Variants in CRB1 observed in about 807,000 individuals in gnomAD.
CRB1 encodes the protein crumbs cell polarity complex component 1.
CRB1 carries 83 observed loss-of-function variants against 120.0 expected under a neutral mutation model. That is an observed-to-expected ratio of 0.69 (90% CI 0.58 to 0.83). The LOEUF (loss-of-function observed/expected upper bound fraction) is 0.83, where lower values mean the gene tolerates loss of function less well. CRB1 is among the 40% of genes least tolerant of loss of function. The probability of loss-of-function intolerance (pLI) is 0.00; values close to 1 mark genes in which losing one functional copy is unlikely to be tolerated. For missense variants in CRB1, 1,699 were observed against 1,687.6 expected (o/e 1.01, Z -0.12); for synonymous variants, 625 against 612.5 (o/e 1.02, Z -0.30).
chr1:197,442,753 T>G (rs1277759001), intron 11 of CRB1: 1 of 269,218 alleles, frequency 3.7e-6, no homozygotes, highest in Non-Finnish European at 7.0e-6. Context: ...ATTTTCACAT[T>G]TTAAGTTGCC....
At chr1:197,474,193 C>T (rs1667106022) in intron 11 of CRB1, among the ~76,000 whole-genome samples, 1 of 152,156 alleles carries the variant, frequency 6.6e-6, no homozygotes, top group African/African-American at 2.4e-5. Context: ...TTGTATTTTA[C>T]ATTCTTTGTG....
chr1:197,223,494 C>T, the CRB1 span, among the ~76,000 whole-genome samples: 12 of 152,004 alleles, frequency 7.9e-5, no homozygotes, highest in East Asian at 1.9e-4. Context: ...TTTAATAACA[C>T]GATTTCATTC....
intron 5 of CRB1, among the ~76,000 whole-genome samples, chr1:197,414,349 G>T (rs922955194): frequency 2.6e-5 from 4 of 151,954 alleles, no homozygotes; most frequent in African/African-American, 9.7e-5. Context: ...CTTCAGCAAA[G>T]TGAGAATTAT....
chr1:197,335,416 G>A (rs572587086), intron 2 of CRB1, among the ~76,000 whole-genome samples: 1 of 152,326 alleles, frequency 6.6e-6, no homozygotes, highest in African/African-American at 2.4e-5. Context: ...GTGTCTAAGG[G>A]AGGTTAATAC....
At chr1:197,412,199 T>C (rs944731771) in intron 5 of CRB1, among the ~76,000 whole-genome samples, 1 of 152,244 alleles carries the variant, frequency 6.6e-6, no homozygotes, top group South Asian at 2.1e-4. Flanking sequence ...TTTAACAGGT[T>C]CATGTTGCCT....
intron 5 of CRB1, among the ~76,000 whole-genome samples, chr1:197,418,143 T>C (rs2125462508): frequency 6.6e-6 from 1 of 152,320 alleles, no homozygotes; most frequent in Non-Finnish European, 1.5e-5. Flanking sequence ...CCATATCAGT[T>C]GTTCAATAGT....
chr1:197,349,331 C>A (rs908712057), intron 4 of CRB1, among the ~76,000 whole-genome samples: 8 of 152,322 alleles, frequency 5.3e-5, no homozygotes, highest in South Asian at 2.1e-4. Flanking sequence ...TAATGACTTA[C>A]TTCTCAGAAC....
chr1:197,434,862 A>T lies in CRB1; in HGVS notation c.2999A>T (p.Asn1000Ile). The change falls in exon 9 of 12, where the codon AAT becomes ATT. Residue 1000 changes from asparagine to isoleucine, a missense_variant. Physicochemically the swap from Asn to Ile is moderately radical, Grantham distance 149. Coordinates refer to ENST00000367400, the MANE Select transcript of CRB1 (RefSeq NM_201253.3). Reference protein sequence around the residue: ...LHAEKEPEFLNISIQDSRLFF... With the variant: ...LHAEKEPEFLIISIQDSRLFF... ...GCAGAAAAAGAGCCTGAATTTCTTA[A>T]TATTAGCATTCAAGATTCCAGATTA... The T allele has an allele frequency of 1.2e-6, 2 of 1,613,870 alleles. No homozygotes were observed.
At chr1:197,366,970 C>T (rs1661112528) in intron 5 of CRB1, among the ~76,000 whole-genome samples, 1 of 152,074 alleles carries the variant, frequency 6.6e-6, no homozygotes, top group African/African-American at 2.4e-5. Context: ...TATTTGTGAC[C>T]ATAGTTGCAA....
chr1:197,453,599 CA>C (rs935199491), intron 11 of CRB1, among the ~76,000 whole-genome samples: 18 of 93,734 alleles, frequency 1.9e-4, no homozygotes, highest in African/African-American at 6.2e-4. Context: ...GAGAGAGAGA[CA>C]AGGTCTTGCT....
At chr1:197,286,226 A>T (rs1012691858) in intron 1 of CRB1, among the ~76,000 whole-genome samples, 2 of 151,962 alleles carry the variant, frequency 1.3e-5, no homozygotes, top group Admixed American at 6.6e-5. Flanking sequence ...GTTACCTATC[A>T]AAGGGCACAG....
chr1:197,453,593 G>A lies in CRB1; in HGVS notation c.4005+11301G>A, dbSNP rs1666094659. Reference sequence around the variant, plus strand: ...AGGGAGAGGGAGAGAGAGAGAGAGAGAGAGACAAGGTCTTGCTCTGTTGCC... The same window carrying A: ...AGGGAGAGGGAGAGAGAGAGAGAGAAAGAGACAAGGTCTTGCTCTGTTGCC... On this transcript the variant is annotated intron_variant, in intron 11 of 11. Coordinates refer to ENST00000367400, the MANE Select transcript of CRB1 (RefSeq NM_201253.3). 1.4e-5 allele frequency among the ~76,000 whole-genome samples: 2 copies of A among 142,960 alleles called. 1 individual carries two copies. Among genetic ancestry groups the A allele is most frequent in the East Asian group, 4.0e-4 (2 of 5,000 alleles). 93.8% of individuals were successfully genotyped at this position (142,960 alleles called of 152,430 possible).
intron 11 of CRB1, among the ~76,000 whole-genome samples, chr1:197,449,997 C>T (rs1227565017): frequency 6.6e-6 from 1 of 152,160 alleles, no homozygotes; most frequent in African/African-American, 2.4e-5. Flanking sequence ...TTTTAGTTAA[C>T]TGGCATGGTG....
In CRB1 at chr1:197,432,226, T is replaced by C. The variant is rs1664902294; in HGVS notation, c.2843-2480T>C. 7.2e-5 allele frequency among the ~76,000 whole-genome samples: 11 copies of C among 152,124 alleles called. No individual in the cohort carries two copies. The South Asian group carries it at 2.3e-3, about 31-fold the overall frequency. On this transcript the variant is annotated intron_variant, in intron 8 of 11. Transcript: ENST00000367400. ...GTTAGTAAATATATTTATATAGCAT[T>C]ATAGACCATAGTCTTCATTTCAGAG... is the stretch of plus-strand genomic sequence containing the variant.
intron 1 of CRB1, chr1:197,304,513 T>A: frequency 3.0e-6 from 1 of 334,172 alleles, no homozygotes; most frequent in Non-Finnish European, 4.3e-6. Context: ...GCCTCTGTGG[T>A]AGATACTATG....
chr1:197,398,193 T>A (rs1040227810), intron 5 of CRB1, among the ~76,000 whole-genome samples: 1 of 152,204 alleles, frequency 6.6e-6, no homozygotes, highest in Admixed American at 6.5e-5. Flanking sequence ...ATATTTTCCC[T>A]TTCTCTTCCA....
intron 4 of CRB1, among the ~76,000 whole-genome samples, chr1:197,353,855 A>G (rs1456921617): frequency 2.0e-5 from 3 of 149,218 alleles, no homozygotes; most frequent in Non-Finnish European, 3.0e-5. Context: ...CATTTCTTTT[A>G]CCACGTTACA....
At chr1:197,203,333 T>A in the CRB1 span, among the ~76,000 whole-genome samples, 1 of 150,352 alleles carries the variant, frequency 6.7e-6, no homozygotes, top group African/African-American at 2.5e-5. Context: ...TTTTTTTTTC[T>A]TTTTTTGAGA....
chr1:197,405,493 G>A (rs929134243), intron 5 of CRB1, among the ~76,000 whole-genome samples: 2 of 151,882 alleles, frequency 1.3e-5, no homozygotes, highest in Non-Finnish European at 2.9e-5. Flanking sequence ...CTGCCCGGCC[G>A]CCACCCCGTC....
Sources: allele counts gnomAD v4.1 joint callset (sites outside exome capture counted in the v4.1 genomes callset), GRCh38; gene constraint gnomAD v4.1.1; transcripts MANE v1.5; gene names NCBI Gene and HGNC (gene_info 2026-07-23, HGNC 2026-07-21).